PSTPIP2: variants seen among roughly 807,000 people sequenced by gnomAD.
PSTPIP2 encodes the protein proline-serine-threonine phosphatase-interacting protein 2.
In PSTPIP2, 33 loss-of-function variants were observed where a neutral mutation model predicts 63.3. The ratio of observed to expected loss-of-function variants is 0.52; its 90% CI spans 0.40 to 0.70. The LOEUF (loss-of-function observed/expected upper bound fraction) is 0.70, where lower values mean the gene tolerates loss of function less well. Ranked by LOEUF, PSTPIP2 falls within the 30% of genes least tolerant of loss-of-function variation. The pLI, the probability that PSTPIP2 is intolerant of heterozygous loss-of-function variation, is 0.00. For missense variants in PSTPIP2, 312 were observed against 400.7 expected (o/e 0.78, Z 1.89); for synonymous variants, 125 against 132.7 (o/e 0.94, Z 0.40).
intron 4 of PSTPIP2, among the ~76,000 whole-genome samples, chr18:46,012,687 G>C (rs1205273607): frequency 1.3e-5 from 2 of 152,112 alleles, no homozygotes; most frequent in African/African-American, 4.8e-5. Flanking sequence ...GCAGGAGAAT[G>C]GCATGAACCC....
chr18:45,989,590 A>G (rs3897646), intron 13 of PSTPIP2: 15,096 of 152,508 alleles, frequency 0.099, 1,086 homozygotes, highest in East Asian at 0.4. Context: ...TCTTTACTCA[A>G]ATAATAAATA....
chr18:46,025,718 GA>G lies in PSTPIP2; in HGVS notation c.135-1033del, dbSNP rs532812194. ...AAAAAGAAAGAAAGAAAAGAAAAAAGAAAAAAACCTAAATGAACATCTGAAC... is the reference window on the plus strand; with the variant it reads ...AAAAAGAAAGAAAGAAAAGAAAAAAGAAAAAACCTAAATGAACATCTGAAC... On this transcript the variant is annotated intron_variant, in intron 2 of 14. Transcript: ENST00000409746. Among the ~76,000 whole-genome samples, 304 of 151,336 alleles carry G rather than the reference GA, an allele frequency of 2.0e-3. 1 individual carries two copies. The highest frequency in any genetic ancestry group is 7.3e-3 in the African/African-American group (300 of 41,252).
At chr18:46,027,324 AT>A (rs1465070439) in intron 2 of PSTPIP2, among the ~76,000 whole-genome samples, 26 of 150,064 alleles carry the variant, frequency 1.7e-4, no homozygotes, top group African/African-American at 6.3e-4. Flanking sequence ...AAATAAATAA[AT>A]AAATAAATAA....
chr18:46,058,959 T>C (rs1908882544), intron 1 of PSTPIP2, among the ~76,000 whole-genome samples: 1 of 152,198 alleles, frequency 6.6e-6, no homozygotes, highest in African/African-American at 2.4e-5. Flanking sequence ...TTGTATTCTA[T>C]GGTCTGAACA....
At chr18:46,003,518 C>A (rs1385395351) in intron 6 of PSTPIP2, among the ~76,000 whole-genome samples, 1 of 152,186 alleles carries the variant, frequency 6.6e-6, no homozygotes, top group African/African-American at 2.4e-5. Context: ...TCCTGCTAGG[C>A]TGCCCCTTTT....
At chr18:46,043,781 TA>T (rs1827633079) in intron 1 of PSTPIP2, among the ~76,000 whole-genome samples, 1 of 152,116 alleles carries the variant, frequency 6.6e-6, no homozygotes, top group African/African-American at 2.4e-5. Flanking sequence ...TTACTAAAAC[TA>T]GTCAGTTTAA....
In PSTPIP2 at chr18:45,999,497, T is replaced by A. The variant is rs776007739; in HGVS notation, c.455A>T (p.Asp152Val). The A allele has an allele frequency of 2.0e-5, 33 of 1,614,130 alleles. No homozygotes were observed. Among genetic ancestry groups the A allele is most frequent in the Non-Finnish European group, 2.7e-5 (32 of 1,180,056 alleles). Reference protein sequence around the residue: ...KNYEQKCRDKDEAEQAVSRSA... With the variant: ...KNYEQKCRDKVEAEQAVSRSA... The stretch of plus-strand genomic sequence containing the variant: ...CCGGCTGACGGCCTGTTCTGCCTCA[T>A]CTTTGTCCCGGCATTTCTGCTCATA... Residue 152 changes from aspartate (D) to valine (V), a missense_variant, in exon 7 of 15, where the codon GAT (aspartate) becomes GTT (valine). Coordinates refer to ENST00000409746, the MANE Select transcript of PSTPIP2 (RefSeq NM_024430.4).
chr18:46,065,611 C>T (rs1257046381), intron 1 of PSTPIP2, among the ~76,000 whole-genome samples: 3 of 152,106 alleles, frequency 2.0e-5, no homozygotes, highest in Non-Finnish European at 4.4e-5. Flanking sequence ...GGACTACAGG[C>T]ACCCACCACC....
At chr18:46,068,386 C>T (rs996287329) in intron 1 of PSTPIP2, among the ~76,000 whole-genome samples, 2 of 152,152 alleles carry the variant, frequency 1.3e-5, no homozygotes, top group South Asian at 2.1e-4. Context: ...CAAGCTCCAC[C>T]TCCCAAGTTC....
intron 3 of PSTPIP2, among the ~76,000 whole-genome samples, chr18:46,019,464 T>A (rs767840887): frequency 3.9e-5 from 6 of 152,090 alleles, no homozygotes; most frequent in Non-Finnish European, 7.4e-5. Flanking sequence ...ACTTTACCCA[T>A]CTTATGATAC....
intron 1 of PSTPIP2, chr18:46,041,051 A>C (rs1334611915): frequency 2.2e-6 from 1 of 458,250 alleles, no homozygotes; most frequent in Admixed American, 2.3e-5. Context: ...TGACCCTGAT[A>C]GCTCTTCCTA....
intron 1 of PSTPIP2, among the ~76,000 whole-genome samples, chr18:46,052,350 A>G (rs1908610543): frequency 6.6e-6 from 1 of 152,122 alleles, no homozygotes; most frequent in South Asian, 2.1e-4. Context: ...CCACAATACA[A>G]TTTTGAAGGT....
At position 45,997,791 on chromosome 18, in the gene PSTPIP2, C is replaced by G; in HGVS notation, c.600G>C (p.Lys200Asn). The change falls in exon 9 of 15, where the codon AAG (lysine) becomes AAC (asparagine). Residue 200 changes from lysine (K) to asparagine (N), a missense_variant. Physicochemically the swap from Lys to Asn is moderately conservative, Grantham distance 94. Transcript: ENST00000409746. Reference protein sequence around the residue: ...AYMLHIGTLDKVREEWQSEHI... With the variant: ...AYMLHIGTLDNVREEWQSEHI... Reference sequence around the variant, plus strand: ...GCTCACTCTGCCACTCTTCTCGGACCTTATCCAGGGTGCCGATGTGCAGCA... The same window carrying G: ...GCTCACTCTGCCACTCTTCTCGGACGTTATCCAGGGTGCCGATGTGCAGCA... 1 of 1,576,960 alleles carries G rather than the reference C, an allele frequency of 6.3e-7. No homozygotes were observed. The highest frequency in any genetic ancestry group is 8.6e-7 in the Non-Finnish European group (1 of 1,159,734).
At chr18:46,023,945 T>C (rs954578439) in intron 3 of PSTPIP2, among the ~76,000 whole-genome samples, 1 of 151,990 alleles carries the variant, frequency 6.6e-6, no homozygotes, top group South Asian at 2.1e-4. Context: ...AAGGTGTACA[T>C]ATAAAAAACT....
chr18:46,033,195 C>T (rs1024842175), intron 2 of PSTPIP2, among the ~76,000 whole-genome samples: 8 of 152,206 alleles, frequency 5.3e-5, no homozygotes, highest in African/African-American at 1.4e-4. Context: ...ACTCCCATCC[C>T]GATACTCTAT....
chr18:46,037,985 T>A (rs1908043868), intron 2 of PSTPIP2, among the ~76,000 whole-genome samples: 1 of 152,266 alleles, frequency 6.6e-6, no homozygotes, highest in African/African-American at 2.4e-5. Flanking sequence ...AGCTTTGGGA[T>A]CCTATTTGGA....
intron 1 of PSTPIP2, among the ~76,000 whole-genome samples, chr18:46,047,638 C>T (rs1330966703): frequency 6.6e-6 from 1 of 151,788 alleles, no homozygotes; most frequent in Non-Finnish European, 1.5e-5. Context: ...TGTGGTGAGC[C>T]GAAGTCACGC....
chr18:45,992,132 T>C lies in PSTPIP2; in HGVS notation c.812A>G (p.Gln271Arg). The C allele has an allele frequency of 6.2e-7, 1 of 1,609,050 alleles. No individual in the cohort carries two copies. Among genetic ancestry groups the C allele is most frequent in the Non-Finnish European group, 8.5e-7 (1 of 1,177,442 alleles). ...IQRDIEYFVN[Q>R]RKTGQIPPAP... is the part of the protein sequence containing the mutation. ...TGGTGGAATCTGTCCAGTTTTGCGT[T>C]GATTCACAAAGTATTCAATGTCCCT... The change falls in exon 11 of 15, where the codon CAA (glutamine) becomes CGA (arginine). Residue 271 changes from glutamine to arginine, a missense_variant. Gln to Arg is a conservative substitution (Grantham distance 43, BLOSUM62 1). Coordinates refer to ENST00000409746, the MANE Select transcript of PSTPIP2 (RefSeq NM_024430.4).
rs79265722 is a variant in PSTPIP2 at position 45,998,993 on chromosome 18, C to T, written c.517-154G>A. ...TTTCCCTCATGAGCAAATCATTCAA[C>T]GTGCCCTGCAATCTTATCAATCTTG... On this transcript the variant is annotated intron_variant, in intron 7 of 14. Coordinates refer to ENST00000409746, the MANE Select transcript of PSTPIP2 (RefSeq NM_024430.4). 2.2e-3 allele frequency among the ~76,000 whole-genome samples: 342 copies of T among 152,306 alleles called. 3 individuals carry two copies. The highest frequency in any genetic ancestry group is 0.014 in the Middle Eastern group (4 of 294).
Sources: gnomAD v4.1 joint callset for allele counts (sites outside exome capture counted in the v4.1 genomes callset) on GRCh38, gnomAD v4.1.1 for gene constraint, MANE v1.5 for transcripts, NCBI Gene and HGNC (gene_info 2026-07-23, HGNC 2026-07-21) for gene names.